Variants in GRIK1 observed in about 807,000 individuals in gnomAD.
GRIK1 encodes the protein glutamate ionotropic receptor kainate type subunit 1.
A neutral mutation model predicts 105.7 loss-of-function variants in GRIK1; 69 were observed. The ratio of observed to expected loss-of-function variants is 0.65; its 90% confidence interval spans 0.54 to 0.80. The LOEUF is 0.80. Ranked by LOEUF, GRIK1 falls within the 30% of genes least tolerant of loss-of-function variation. The probability of loss-of-function intolerance (pLI) is 0.00; values close to 1 mark genes in which losing one functional copy is unlikely to be tolerated. For synonymous variants in GRIK1, 438 were observed against 431.3 expected, an observed-to-expected ratio of 1.02 and a Z score of -0.19; for missense variants, 1,109 against 1,167.3, an observed-to-expected ratio of 0.95 and a Z score of 0.73.
At chr21:29,725,647 A>G (rs1463219836) in intron 1 of GRIK1, among the ~76,000 whole-genome samples, 1 of 152,190 alleles carries the variant, frequency 6.6e-6, no homozygotes, top group Non-Finnish European at 1.5e-5. Flanking sequence ...AACTTCATTT[A>G]AACGTCCATA....
Position 29,651,211 on chromosome 21 carries a change from G to T in GRIK1, c.861C>A (p.Asn287Lys), listed in dbSNP as rs547075761. 1 of 1,613,224 alleles carries T rather than the reference G, an allele frequency of 6.2e-7. No homozygotes were observed. Among genetic ancestry groups the T allele is most frequent in the South Asian group, 1.1e-5 (1 of 91,070 alleles). ...MTGFRLLNID[N>K]PHVSSIIEKW... Reference sequence around the variant, plus strand: ...TCTCAATGATGGATGACACGTGAGGGTTGTCAATGTTAAGCAGCCGAAACC... The same window carrying T: ...TCTCAATGATGGATGACACGTGAGGTTTGTCAATGTTAAGCAGCCGAAACC... The change falls in exon 6 of 18, where the codon AAC (asparagine) becomes AAA (lysine). Residue 287 changes from asparagine to lysine, a missense_variant. Around this residue, in one of 5 missense-constraint regions of GRIK1, gnomAD observed 612 missense variants for 586.0 expected, o/e 1.04. Coordinates refer to ENST00000327783, the MANE Select transcript of GRIK1 (RefSeq NM_001330994.2).
intron 2 of GRIK1, among the ~76,000 whole-genome samples, chr21:29,693,174 T>C (rs2063618354): frequency 2.6e-5 from 4 of 152,196 alleles, no homozygotes. Context: ...ATTTAGTGAC[T>C]AGATAGTGTC....
At chr21:29,577,406 A>AC in intron 13 of GRIK1, among the ~76,000 whole-genome samples, 1 of 152,326 alleles carries the variant, frequency 6.6e-6, no homozygotes, top group South Asian at 2.1e-4. Flanking sequence ...AGCTGATGGT[A>AC]TTAAAACAGT....
chr21:29,891,839 C>G (rs996956139), intron 1 of GRIK1, among the ~76,000 whole-genome samples: 17 of 152,218 alleles, frequency 1.1e-4, no homozygotes, highest in African/African-American at 3.6e-4. Flanking sequence ...ATTGAAACAT[C>G]TAAAGTTAAA....
rs990247367 is a variant in GRIK1, at chr21:29,896,880, C to T, written c.118+42503G>A. The stretch of plus-strand genomic sequence containing the variant: ...TGTAAACGTGAGCAACCCCACCTCA[C>T]CCCATCCAAACTCCCCTCATTTTTA... On this transcript the variant is annotated intron_variant, in intron 1 of 17. Coordinates refer to ENST00000327783, the MANE Select transcript of GRIK1 (RefSeq NM_001330994.2). 2.2e-4 allele frequency among the ~76,000 whole-genome samples: 34 copies of T among 152,136 alleles called. 1 individual carries two copies. Among genetic ancestry groups the T allele is most frequent in the South Asian group, 2.1e-4 (1 of 4,830 alleles).
rs147283499 is a variant in GRIK1, at chr21:29,540,151, G to T, written c.2608-2267C>A. Among the ~76,000 whole-genome samples, 353 of 152,278 alleles carry T rather than the reference G, an allele frequency of 2.3e-3. 1 individual carries two copies. Among genetic ancestry groups the T allele is most frequent in the African/African-American group, 8.2e-3 (342 of 41,564 alleles). ...CCTCTTTTCCCTATTTTGGGTAGAA[G>T]AGTGGTCATAGATATTACCTGACAA... On this transcript the variant is annotated intron_variant, in intron 16 of 17. Coordinates refer to ENST00000327783, the MANE Select transcript of GRIK1 (RefSeq NM_001330994.2).
chr21:29,681,774 G>A (rs886205509), intron 3 of GRIK1, among the ~76,000 whole-genome samples: 108 of 152,128 alleles, frequency 7.1e-4, no homozygotes, highest in African/African-American at 2.5e-3. Flanking sequence ...ATTCACTAAT[G>A]TATTCCATAT....
intron 1 of GRIK1, among the ~76,000 whole-genome samples, chr21:29,790,202 A>C (rs910259075): frequency 1.3e-5 from 2 of 152,228 alleles, no homozygotes; most frequent in Non-Finnish European, 1.5e-5. Context: ...GGCATGCGCC[A>C]CCACTCCCAG....
At chr21:29,850,102 G>T (rs1318030771) in intron 1 of GRIK1, among the ~76,000 whole-genome samples, 1 of 152,124 alleles carries the variant, frequency 6.6e-6, no homozygotes, top group African/African-American at 2.4e-5. Context: ...GTTCGGTTTC[G>T]CTGACTTTCA....
chr21:29,835,256 C>T (rs1056754022), intron 1 of GRIK1, among the ~76,000 whole-genome samples: 1 of 152,184 alleles, frequency 6.6e-6, no homozygotes, highest in African/African-American at 2.4e-5. Flanking sequence ...CAGCAGCATC[C>T]CCTGGCATTA....
At chr21:29,754,326 C>T (rs1490202115) in intron 1 of GRIK1, among the ~76,000 whole-genome samples, 2 of 152,014 alleles carry the variant, frequency 1.3e-5, no homozygotes, top group East Asian at 3.8e-4. Context: ...TACACATATG[C>T]GTCATGCCTA....
intron 7 of GRIK1, among the ~76,000 whole-genome samples, chr21:29,619,345 G>A (rs937450684): frequency 2.6e-5 from 4 of 151,576 alleles, no homozygotes; most frequent in African/African-American, 9.7e-5. Flanking sequence ...GCTGAGGCAG[G>A]AGAATTGCTT....
At chr21:29,791,111 GGCTGGATCTGAA>G (rs1380986950) in intron 1 of GRIK1, among the ~76,000 whole-genome samples, 2 of 152,162 alleles carry the variant, frequency 1.3e-5, no homozygotes, top group East Asian at 3.9e-4. Flanking sequence ...AGATCACTGT[GGCTGGATCTGAA>G]GCTGGATCTG....
At chr21:29,588,570 A>G (rs1440356333) in intron 11 of GRIK1, among the ~76,000 whole-genome samples, 1 of 152,214 alleles carries the variant, frequency 6.6e-6, no homozygotes, top group African/African-American at 2.4e-5. Context: ...AACTGTGTCA[A>G]TTAAATCTCT....
At chr21:29,592,418 TG>T (rs1186130685) in intron 9 of GRIK1, among the ~76,000 whole-genome samples, 1 of 152,182 alleles carries the variant, frequency 6.6e-6, no homozygotes, top group African/African-American at 2.4e-5. Context: ...AAGTCACTCC[TG>T]GGTTGTGAGG....
chr21:29,873,498 G>A (rs1224020003), intron 1 of GRIK1, among the ~76,000 whole-genome samples: 1 of 152,182 alleles, frequency 6.6e-6, no homozygotes. Context: ...ACCACATAGA[G>A]CTGTGAGGGT....
At chr21:29,872,279 C>T (rs1015853494) in intron 1 of GRIK1, among the ~76,000 whole-genome samples, 2 of 151,126 alleles carry the variant, frequency 1.3e-5, no homozygotes, top group African/African-American at 2.4e-5. Flanking sequence ...CTGCAAGCTC[C>T]GCTTCCTGGG....
intron 1 of GRIK1, among the ~76,000 whole-genome samples, chr21:29,781,855 A>G (rs2066118906): frequency 6.7e-6 from 1 of 148,208 alleles, no homozygotes; most frequent in Admixed American, 6.7e-5. Flanking sequence ...TATTTTTAGT[A>G]GAGACGGGGT....
At chr21:29,607,656 T>A (rs924235843) in intron 7 of GRIK1, among the ~76,000 whole-genome samples, 4 of 152,126 alleles carry the variant, frequency 2.6e-5, no homozygotes, top group Non-Finnish European at 5.9e-5. Flanking sequence ...TTTTTAAAAA[T>A]TAGCTTAAAT....
Sources: gnomAD v4.1 joint callset for allele counts (sites outside exome capture counted in the v4.1 genomes callset) on GRCh38, gnomAD v4.1.1 for gene constraint, gnomAD v4.1.1 regional missense constraint, MANE v1.5 for transcripts, NCBI Gene and HGNC (gene_info 2026-07-23, HGNC 2026-07-21) for gene names.